CBFB: variants seen among roughly 807,000 people sequenced by gnomAD.
The protein encoded by CBFB is core-binding factor subunit beta.
CBFB carries 9 observed loss-of-function variants against 30.4 expected under a neutral mutation model. The observed-to-expected ratio is 0.30, with a 90% CI of 0.18 to 0.52. The LOEUF (loss-of-function observed/expected upper bound fraction) is 0.52, where lower values mean the gene tolerates loss of function less well. CBFB is among the 20% of genes least tolerant of loss of function. The pLI, the probability that CBFB is intolerant of heterozygous loss-of-function variation, is 0.97. For synonymous variants in CBFB, 94 were observed against 84.0 expected, an observed-to-expected ratio of 1.12 and a Z score of -0.65; for missense variants, 170 against 244.0, an observed-to-expected ratio of 0.70 and a Z score of 2.02.
intron 2 of CBFB, among the ~76,000 whole-genome samples, chr16:67,035,464 G>C (rs1966427414): frequency 6.6e-6 from 1 of 152,146 alleles, no homozygotes. Flanking sequence ...ACATGAAAAT[G>C]GTACCCCAGT....
Position 67,036,721 on chromosome 16 carries a change from G to C in CBFB, c.248G>C (p.Arg83Pro), listed in dbSNP as rs773011669. The C allele has an allele frequency of 6.2e-7, 1 of 1,612,460 alleles. No individual in the cohort carries two copies. The highest frequency in any genetic ancestry group is 8.5e-7 in the Non-Finnish European group (1 of 1,178,492). Reference protein sequence around the residue: ...WQGEQRQTPSREYVDLEREAG... With the variant: ...WQGEQRQTPSPEYVDLEREAG... ...GGAGAACAGCGACAAACACCTAGCC[G>C]AGAGTATGTCGACTTAGAAAGAGAA... The change falls in exon 3 of 6, where the codon CGA becomes CCA. Residue 83 changes from arginine (R) to proline (P), a missense_variant. Arg to Pro is a moderately radical substitution (Grantham distance 103). Transcript: ENST00000412916.
chr16:67,081,175 T>C (rs1348932734), intron 4 of CBFB, among the ~76,000 whole-genome samples: 1 of 132,244 alleles, frequency 7.6e-6, no homozygotes, highest in Non-Finnish European at 1.5e-5. Flanking sequence ...CCCCTTCCTG[T>C]GTCCATGTGT....
chr16:67,099,690 T>C lies in CBFB; in HGVS notation c.*912T>C, dbSNP rs945454254. 9.7e-6 allele frequency: 2 copies of C among 205,564 alleles called. No homozygotes were observed. The highest frequency in any genetic ancestry group is 2.0e-5 in the Non-Finnish European group (2 of 100,268). 12.7% of individuals were successfully genotyped at this position (205,564 alleles called of 1,614,324 possible). ...CCTAAAGAAGTCACAGGCTGGCTTCTGTTTTATTCAGGGATTTTTTTAAAA... is the reference window on the plus strand; with the variant it reads ...CCTAAAGAAGTCACAGGCTGGCTTCCGTTTTATTCAGGGATTTTTTTAAAA... On this transcript the variant is annotated 3_prime_UTR_variant, in exon 6 of 6. Transcript: ENST00000412916.
intron 5 of CBFB, among the ~76,000 whole-genome samples, chr16:67,094,581 A>C (rs1961986406): frequency 1.3e-5 from 2 of 152,180 alleles, no homozygotes; most frequent in Admixed American, 1.3e-4. Context: ...TCTTTTCACA[A>C]AGTATTATTG....
At chr16:67,045,067 A>G (rs937913942) in intron 3 of CBFB, among the ~76,000 whole-genome samples, 9 of 152,218 alleles carry the variant, frequency 5.9e-5, no homozygotes, top group African/African-American at 1.9e-4. Flanking sequence ...TAACGGAATC[A>G]TAAAATTTAG....
intron 3 of CBFB, among the ~76,000 whole-genome samples, chr16:67,044,458 C>T (rs1162073987): frequency 6.6e-6 from 1 of 152,090 alleles, no homozygotes; most frequent in Non-Finnish European, 1.5e-5. Context: ...TAATGTCAGA[C>T]ATCGAGAAGT....
At chr16:67,036,250 TGTG>T (rs773503772) in intron 2 of CBFB, among the ~76,000 whole-genome samples, 17 of 152,276 alleles carry the variant, frequency 1.1e-4, no homozygotes, top group South Asian at 6.2e-4. Flanking sequence ...AATTTTAAAT[TGTG>T]GTATTCTTTA....
At chr16:67,094,491 G>A (rs1961983616) in intron 5 of CBFB, among the ~76,000 whole-genome samples, 1 of 152,114 alleles carries the variant, frequency 6.6e-6, no homozygotes, top group Non-Finnish European at 1.5e-5. Flanking sequence ...ACTGTGCTTT[G>A]TCATATATTT....
chr16:67,089,178 A>G (rs760838150), intron 5 of CBFB, among the ~76,000 whole-genome samples: 6 of 152,218 alleles, frequency 3.9e-5, no homozygotes, highest in Non-Finnish European at 2.9e-5. Flanking sequence ...AGCATTGTTT[A>G]TGTTAGTAAC....
chr16:67,034,700 T>A (rs1291284867), intron 2 of CBFB, among the ~76,000 whole-genome samples: 2 of 152,100 alleles, frequency 1.3e-5, no homozygotes, highest in African/African-American at 4.8e-5. Context: ...AGAACTGATT[T>A]GGGGTACACT....
intron 4 of CBFB, chr16:67,067,009 T>G (rs370678802): frequency 2.7e-6 from 1 of 372,616 alleles, no homozygotes; most frequent in South Asian, 3.4e-5. Context: ...CATGGGTTAT[T>G]CGTATCTGCT....
chr16:67,039,372 C>T (rs1966493842), intron 3 of CBFB, among the ~76,000 whole-genome samples: 1 of 152,130 alleles, frequency 6.6e-6, no homozygotes, highest in Non-Finnish European at 1.5e-5. Context: ...ATGGAGCTTG[C>T]AGGACTGGAA....
At chr16:67,066,073 A>G (rs1490928975) in intron 3 of CBFB, among the ~76,000 whole-genome samples, 14 of 152,134 alleles carry the variant, frequency 9.2e-5, no homozygotes, top group Admixed American at 9.2e-4. Flanking sequence ...ACAAGACAAA[A>G]AAATAAAAAG....
intron 5 of CBFB, among the ~76,000 whole-genome samples, chr16:67,087,240 C>T (rs1254991079): frequency 1.3e-5 from 2 of 152,138 alleles, no homozygotes; most frequent in African/African-American, 4.8e-5. Context: ...TTTTGCTTTA[C>T]ATAAAACTCT....
intron 2 of CBFB, among the ~76,000 whole-genome samples, chr16:67,033,986 A>C (rs1966401588): frequency 6.6e-6 from 1 of 151,304 alleles, no homozygotes; most frequent in African/African-American, 2.4e-5. Context: ...ACACCACCAC[A>C]CCCGGCTAAT....
chr16:67,029,711 C>A lies in CBFB; in HGVS notation c.79-16C>A, dbSNP rs369575449. ...CGCGGATTTGGCTCCTGATTTCGGG[C>A]CGTCTTGCCTTGCAGATTAAGTACA... On this transcript the variant is annotated splice_polypyrimidine_tract_variant and intron_variant, in intron 1 of 5. Coordinates refer to ENST00000412916, the MANE Select transcript of CBFB (RefSeq NM_022845.3). 3 of 1,577,984 alleles carry A rather than the reference C, an allele frequency of 1.9e-6. No individual in the cohort carries two copies. Among genetic ancestry groups the A allele is most frequent in the Non-Finnish European group, 2.6e-6 (3 of 1,161,512 alleles).
In CBFB at chr16:67,098,616, G is replaced by A. The variant is rs963245743; in HGVS notation, c.496-94G>A. 6 of 667,946 alleles carry A rather than the reference G, an allele frequency of 9.0e-6. No homozygotes were observed. In the African/African-American group the frequency reaches 1.1e-4, roughly 12 times the overall value. 41.4% of individuals were successfully genotyped at this position (667,946 alleles called of 1,614,324 possible). On this transcript the variant is annotated intron_variant, in intron 5 of 5. Coordinates refer to ENST00000412916, the MANE Select transcript of CBFB (RefSeq NM_022845.3). ...TGGCTGAAAACTTTTTAGTTATGAA[G>A]TTTTTCTGTGTGCTACTGTCTTGTA...
chr16:67,089,626 G>A (rs1961828951), intron 5 of CBFB, among the ~76,000 whole-genome samples: 1 of 151,994 alleles, frequency 6.6e-6, no homozygotes, highest in Non-Finnish European at 1.5e-5. Flanking sequence ...TTTTTAAAAG[G>A]CACTGCTCTG....
At chr16:67,065,023 G>A (rs555704542) in intron 3 of CBFB, among the ~76,000 whole-genome samples, 4 of 152,126 alleles carry the variant, frequency 2.6e-5, no homozygotes, top group East Asian at 3.9e-4. Context: ...TCAGCCTCCC[G>A]AGTAGCTGGG....
Sources: allele counts gnomAD v4.1 joint callset (sites outside exome capture counted in the v4.1 genomes callset), GRCh38; gene constraint gnomAD v4.1.1; transcripts MANE v1.5; gene names NCBI Gene and HGNC (gene_info 2026-07-23, HGNC 2026-07-21).